The following ECD variants were observed in gnomAD, a reference collection of about 807,000 sequenced individuals.
ECD encodes ecdysoneless cell cycle regulator.
Under a neutral mutation model 77.2 loss-of-function variants are expected in ECD, and 59 were observed. The observed-to-expected ratio is 0.76, with a 90% CI of 0.62 to 0.95. The LOEUF (loss-of-function observed/expected upper bound fraction) is 0.95. Ranked by LOEUF, ECD falls within the 40% of genes least tolerant of loss-of-function variation. The probability of loss-of-function intolerance (pLI) is 0.00; values close to 1 mark genes in which losing one functional copy is unlikely to be tolerated. For missense variants in ECD, 704 were observed against 763.4 expected (o/e 0.92, Z 0.92); for synonymous variants, 233 against 267.4 (o/e 0.87, Z 1.26).
chr10:73,162,795 T>C (rs1363766683), intron 2 of ECD, among the ~76,000 whole-genome samples: 2 of 152,182 alleles, frequency 1.3e-5, no homozygotes, highest in African/African-American at 2.4e-5. Flanking sequence ...ATGTGACCAG[T>C]TCCCCACCAG....
chr10:73,143,533 T>C (rs1843085433), intron 9 of ECD, among the ~76,000 whole-genome samples: 3 of 152,172 alleles, frequency 2.0e-5, no homozygotes, highest in South Asian at 4.1e-4. Context: ...TTTTATTCTT[T>C]TTCATTTTCA....
intron 11 of ECD, among the ~76,000 whole-genome samples, chr10:73,138,715 C>T (rs886900294): frequency 6.6e-6 from 1 of 152,098 alleles, no homozygotes; most frequent in Non-Finnish European, 1.5e-5. Flanking sequence ...TATAGGCGTG[C>T]GCCACCATAC....
Position 73,136,785 on chromosome 10 carries a change from A to G in ECD, c.1623T>C (p.Asn541=). ...CCATCTGGGCCATGTATGACTTGAG[A>G]TTATCAAGTGTTCCTTTCAGGGAAG... ...EEASLKGTLD[N]LKSYMAQMDQ... is the part of the protein sequence containing the mutation. The change falls in exon 13 of 14, where the codon AAT becomes AAC. Residue 541 remains asparagine, a synonymous_variant. Transcript: ENST00000372979. 6.2e-7 allele frequency: 1 copy of G among 1,613,992 alleles called. No individual in the cohort carries two copies.
At position 73,139,379 on chromosome 10, in the gene ECD, T is replaced by A. The variant is rs1440012354; in HGVS notation, c.1351A>T (p.Thr451Ser). Residue 451 changes from threonine (T) to serine (S), a missense_variant, in exon 11 of 14, where the codon ACT becomes TCT. By Grantham distance (58) the Thr-to-Ser change is moderately conservative. Around this residue, in one of 3 missense-constraint regions of ECD, gnomAD observed 559 missense variants for 583.7 expected, o/e 0.96. Coordinates refer to ENST00000372979, the MANE Select transcript of ECD (RefSeq NM_007265.3). ...KEEKEQNYDL[T>S]EVSESMKAFI... ...GCTTTCATGCTCTCTGAGACTTCAG[T>A]TAAGTCATAGTTCTGCTCCTTCTCC... 2 of 1,614,196 alleles carry A rather than the reference T, an allele frequency of 1.2e-6. No homozygotes were observed. Among genetic ancestry groups the A allele is most frequent in the Non-Finnish European group, 1.7e-6 (2 of 1,180,046 alleles).
intron 7 of ECD, among the ~76,000 whole-genome samples, chr10:73,150,533 T>G (rs1432442608): frequency 6.6e-6 from 1 of 152,180 alleles, no homozygotes; most frequent in Non-Finnish European, 1.5e-5. Context: ...TGGGATCTAA[T>G]TAAACTCAAG....
intron 7 of ECD, among the ~76,000 whole-genome samples, chr10:73,149,760 G>C (rs955977622): frequency 6.6e-6 from 1 of 152,056 alleles, no homozygotes; most frequent in African/African-American, 2.4e-5. Flanking sequence ...AGGAACATCT[G>C]TTTTGCCAAA....
chr10:73,148,839 T>C (rs1198404889), intron 7 of ECD, among the ~76,000 whole-genome samples: 1 of 152,100 alleles, frequency 6.6e-6, no homozygotes, highest in African/African-American at 2.4e-5. Flanking sequence ...AAAAAAATAA[T>C]AGATGCACAT....
At position 73,152,303 on chromosome 10, in the gene ECD, C is replaced by T. The variant is rs749880160; in HGVS notation, c.902G>A (p.Gly301Asp). 6.2e-7 allele frequency: 1 copy of T among 1,612,756 alleles called. No homozygotes were observed. Among genetic ancestry groups the T allele is most frequent in the Non-Finnish European group, 8.5e-7 (1 of 1,178,988 alleles). Residue 301 changes from glycine (G) to aspartate (D), a missense_variant, in exon 7 of 14, where the codon GGC becomes GAC. Gly to Asp is a moderately conservative substitution (Grantham distance 94, BLOSUM62 -1). Around this residue, in one of 3 missense-constraint regions of ECD, gnomAD observed 559 missense variants for 583.7 expected, o/e 0.96. Transcript: ENST00000372979. ...CTGGTTCAACATTACCAATTTCATG[C>T]CCAATTCATGGGCTCGGTACTGGGG... ...SDPQYRAHELGMKLAHGFEIL... is the reference protein window; with the variant it reads ...SDPQYRAHELDMKLAHGFEIL...
intron 1 of ECD, among the ~76,000 whole-genome samples, chr10:73,165,455 G>A (rs187003212): frequency 9.9e-5 from 15 of 151,614 alleles, no homozygotes; most frequent in Admixed American, 8.5e-4. Flanking sequence ...AGGTTCAAGC[G>A]ATTCTTTTGC....
intron 9 of ECD, among the ~76,000 whole-genome samples, chr10:73,145,829 G>A (rs892269567): frequency 7.9e-5 from 12 of 151,964 alleles, no homozygotes; most frequent in African/African-American, 2.9e-4. Flanking sequence ...ATTTTTAGTA[G>A]ATACGGGGTT....
chr10:73,146,245 C>T (rs1436677669), intron 9 of ECD, 31 bp downstream of exon 9: 1 of 1,227,794 alleles, frequency 8.1e-7, no homozygotes, highest in East Asian at 2.4e-5. Context: ...AAATACCAAT[C>T]TTTGTAGTAG....
At chr10:73,168,044 A>C (rs1243156617), upstream of ECD, 1 of 436,582 alleles carries the variant, frequency 2.3e-6, no homozygotes, top group East Asian at 4.3e-5. Context: ...AAACCCACTC[A>C]GTCCCCGAAA....
chr10:73,166,733 T>G (rs1426390717), intron 1 of ECD, among the ~76,000 whole-genome samples: 1 of 152,222 alleles, frequency 6.6e-6, no homozygotes, highest in Non-Finnish European at 1.5e-5. Flanking sequence ...GATGGGTAGT[T>G]TGCAAATATT....
chr10:73,133,936 G>T lies in ECD; in HGVS notation c.*647C>A. 6.6e-6 allele frequency: 1 copy of T among 152,236 alleles called. No homozygotes were observed. The highest frequency in any genetic ancestry group is 1.9e-4 in the East Asian group (1 of 5,192). The allele number at this position is 152,236 out of a possible 1,614,324, so 9.4% of individuals were successfully genotyped here. On this transcript the variant is annotated 3_prime_UTR_variant, in exon 14 of 14. Transcript: ENST00000372979. The stretch of plus-strand genomic sequence containing the variant: ...TAGAAGGGAATGAGAGACTATTAGT[G>T]AGTATGGGGTTTCTAATATTCTAGA...
intron 7 of ECD, among the ~76,000 whole-genome samples, chr10:73,151,908 G>C (rs749002753): frequency 8.6e-5 from 13 of 151,944 alleles, no homozygotes; most frequent in Non-Finnish European, 1.8e-4. Flanking sequence ...CTTAATTTTT[G>C]CATAATCAAA....
chr10:73,141,697 T>C (rs1843060741), intron 9 of ECD, among the ~76,000 whole-genome samples: 1 of 152,232 alleles, frequency 6.6e-6, no homozygotes, highest in African/African-American at 2.4e-5. Context: ...ATGATTTTTA[T>C]TTTGCCTTTT....
chr10:73,152,880 A>C (rs1843232397), intron 6 of ECD, among the ~76,000 whole-genome samples: 1 of 148,614 alleles, frequency 6.7e-6, no homozygotes, highest in Non-Finnish European at 1.5e-5. Context: ...GCTCCACTGC[A>C]CTCCGGCCTG....
At chr10:73,158,438 A>C (rs7905296) in intron 3 of ECD, among the ~76,000 whole-genome samples, 7,987 of 152,164 alleles carry the variant, frequency 0.052, 653 homozygotes, top group African/African-American at 0.17. Flanking sequence ...ATTTTTATTT[A>C]TCAATTTTAA....
At position 73,139,619 on chromosome 10, in the gene ECD, T is replaced by G; in HGVS notation, c.1234+12A>C. 1 of 1,600,312 alleles carries G rather than the reference T, an allele frequency of 6.2e-7. No homozygotes were observed. Among genetic ancestry groups the G allele is most frequent in the Non-Finnish European group, 8.5e-7 (1 of 1,173,308 alleles). On this transcript the variant is annotated intron_variant, in intron 10 of 13. Transcript: ENST00000372979. ...TTTTAACCCTTCCACTGTATCCTGG[T>G]CCATCACTTACCATCCTCTGGGGGA...
Sources: allele counts gnomAD v4.1 joint callset (sites outside exome capture counted in the v4.1 genomes callset), GRCh38; gene constraint gnomAD v4.1.1; regional missense constraint gnomAD v4.1.1; transcripts MANE v1.5; gene names NCBI Gene and HGNC (gene_info 2026-07-23, HGNC 2026-07-21).